Variants in PRKN observed in about 807,000 individuals in gnomAD.
PRKN encodes parkin RBR E3 ubiquitin protein ligase.
A neutral mutation model predicts 59.5 loss-of-function variants in PRKN; 56 were observed. The observed-to-expected ratio is 0.94, with a 90% confidence interval of 0.76 to 1.18. The LOEUF (loss-of-function observed/expected upper bound fraction) is 1.18, where lower values mean the gene tolerates loss of function less well. Among genes scored for constraint, PRKN ranks in the 50% most tolerant of loss-of-function variants. The probability of loss-of-function intolerance (pLI) is 0.00; values close to 1 mark genes in which losing one functional copy is unlikely to be tolerated. For synonymous variants in PRKN, 250 were observed against 222.1 expected, an observed-to-expected ratio of 1.13 and a Z score of -1.12; for missense variants, 657 against 596.4, an observed-to-expected ratio of 1.10 and a Z score of -1.06.
chr6:162,501,353 T>TC (rs10689378), intron 1 of PRKN, among the ~76,000 whole-genome samples: 1 of 37,988 alleles, frequency 2.6e-5, no homozygotes, highest in African/African-American at 7.9e-5. Context: ...CCTTTTTTCC[T>TC]TTTTTTTTTT....
At chr6:162,598,689 C>T (rs1371360086) in intron 1 of PRKN, among the ~76,000 whole-genome samples, 1 of 151,804 alleles carries the variant, frequency 6.6e-6, no homozygotes, top group African/African-American at 2.4e-5. Context: ...CCTGTCTCTA[C>T]TAAAAATACA....
intron 2 of PRKN, among the ~76,000 whole-genome samples, chr6:162,302,024 G>A (rs1331959403): frequency 6.6e-6 from 1 of 152,046 alleles, no homozygotes; most frequent in African/African-American, 2.4e-5. Context: ...CTTTTCTCGT[G>A]TCCTTGCATT....
chr6:162,561,203 G>A (rs1779824962), intron 1 of PRKN, among the ~76,000 whole-genome samples: 1 of 152,134 alleles, frequency 6.6e-6, no homozygotes, highest in South Asian at 2.1e-4. Flanking sequence ...AGTATTAAGG[G>A]GCTTGGGCTT....
At chr6:161,366,424 G>A (rs1199578325) in intron 10 of PRKN, among the ~76,000 whole-genome samples, 1 of 152,182 alleles carries the variant, frequency 6.6e-6, no homozygotes, top group Non-Finnish European at 1.5e-5. Flanking sequence ...AGACAGAGAA[G>A]AAAGCCTAGG....
chr6:162,026,880 G>C (rs1438823828), intron 5 of PRKN, among the ~76,000 whole-genome samples: 1 of 152,166 alleles, frequency 6.6e-6, no homozygotes, highest in Non-Finnish European at 1.5e-5. Context: ...ATAAAATAAT[G>C]ATGGTGAGAA....
chr6:162,246,471 C>T (rs188634980), intron 3 of PRKN, among the ~76,000 whole-genome samples: 12 of 152,108 alleles, frequency 7.9e-5, no homozygotes, highest in South Asian at 4.1e-4. Flanking sequence ...AATGGAATAC[C>T]GGCAAAATTC....
At chr6:161,496,089 T>C (rs1376923979) in intron 9 of PRKN, among the ~76,000 whole-genome samples, 3 of 152,252 alleles carry the variant, frequency 2.0e-5, no homozygotes, top group Non-Finnish European at 4.4e-5. Context: ...AAAGAATAAA[T>C]GTAATTAAGA....
intron 1 of PRKN, among the ~76,000 whole-genome samples, chr6:162,574,068 T>C (rs1043909993): frequency 5.9e-5 from 9 of 152,158 alleles, no homozygotes; most frequent in Admixed American, 6.5e-5. Context: ...GTGGCTATCT[T>C]GGGTCCCAGT....
chr6:162,287,846 G>A (rs1002986673), intron 2 of PRKN, among the ~76,000 whole-genome samples: 1 of 152,162 alleles, frequency 6.6e-6, no homozygotes, highest in Non-Finnish European at 1.5e-5. Flanking sequence ...AGAATTCGCA[G>A]CTAAGTGGGG....
intron 7 of PRKN, among the ~76,000 whole-genome samples, chr6:161,663,807 G>A (rs1784632034): frequency 6.6e-6 from 1 of 152,076 alleles, no homozygotes; most frequent in Non-Finnish European, 1.5e-5. Flanking sequence ...GATTCTCTAA[G>A]CTCCCAACAG....
rs190491046 is a variant in PRKN at position 162,475,657 on chromosome 6, G to A, written c.8-32184C>T. 1.8e-4 allele frequency among the ~76,000 whole-genome samples: 28 copies of A among 152,348 alleles called. 1 individual carries two copies. The highest frequency in any genetic ancestry group is 1.5e-3 in the Admixed American group (23 of 15,308). ...TCAAGAGACACAAGCACAGGGCTGC[G>A]TGTGCAATGCGGCTAGCTGCGTCAT... is the stretch of plus-strand genomic sequence containing the variant. On this transcript the variant is annotated intron_variant, in intron 1 of 11. Coordinates refer to ENST00000366898, the MANE Select transcript of PRKN (RefSeq NM_004562.3).
At chr6:162,459,819 C>T (rs1372360641) in intron 1 of PRKN, among the ~76,000 whole-genome samples, 1 of 152,182 alleles carries the variant, frequency 6.6e-6, no homozygotes, top group Non-Finnish European at 1.5e-5. Flanking sequence ...TAATCACCAA[C>T]ATTACTTTCA....
At chr6:162,250,791 A>G (rs953828489) in intron 3 of PRKN, among the ~76,000 whole-genome samples, 1 of 152,176 alleles carries the variant, frequency 6.6e-6, no homozygotes, top group Non-Finnish European at 1.5e-5. Flanking sequence ...CTTGAAATAG[A>G]ATTCTTACAG....
chr6:161,980,444 G>C (rs1190911362), intron 5 of PRKN, among the ~76,000 whole-genome samples: 1 of 152,152 alleles, frequency 6.6e-6, no homozygotes, highest in South Asian at 2.1e-4. Context: ...AGGAAAACAG[G>C]GCCCACACCA....
intron 5 of PRKN, among the ~76,000 whole-genome samples, chr6:161,998,128 G>C (rs1237763842): frequency 6.6e-6 from 1 of 152,018 alleles, no homozygotes; most frequent in African/African-American, 2.4e-5. Context: ...TTTCTTTATA[G>C]GGATTTTTGG....
At chr6:161,930,621 A>G (rs1340239184) in intron 6 of PRKN, among the ~76,000 whole-genome samples, 1 of 152,234 alleles carries the variant, frequency 6.6e-6, no homozygotes, top group African/African-American at 2.4e-5. Flanking sequence ...TGGTAGGCAG[A>G]ATAATGGCTC....
At chr6:162,381,622 C>A (rs1356880082) in intron 2 of PRKN, among the ~76,000 whole-genome samples, 2 of 152,178 alleles carry the variant, frequency 1.3e-5, no homozygotes, top group African/African-American at 2.4e-5. Flanking sequence ...ACAATACTCT[C>A]AAAAGATGAG....
At chr6:162,212,151 C>G (rs1282934269) in intron 3 of PRKN, among the ~76,000 whole-genome samples, 1 of 152,070 alleles carries the variant, frequency 6.6e-6, no homozygotes, top group Non-Finnish European at 1.5e-5. Flanking sequence ...TAAGACCTCA[C>G]TCAGGGGCCG....
At chr6:162,151,620 T>C (rs1583110289) in intron 4 of PRKN, among the ~76,000 whole-genome samples, 3 of 152,288 alleles carry the variant, frequency 2.0e-5, no homozygotes, top group Non-Finnish European at 1.5e-5. Flanking sequence ...TTTTCAGAAT[T>C]ACAAGAAAAT....
Sources: allele counts gnomAD v4.1 joint callset (sites outside exome capture counted in the v4.1 genomes callset), GRCh38; gene constraint gnomAD v4.1.1; transcripts MANE v1.5; gene names NCBI Gene and HGNC (gene_info 2026-07-23, HGNC 2026-07-21).